Variants in BICC1 observed in about 807,000 individuals in gnomAD.
BICC1 encodes the protein BicC family RNA binding protein 1.
Under a neutral mutation model 111.0 loss-of-function variants are expected in BICC1, and 43 were observed. The ratio of observed to expected loss-of-function variants is 0.39; its 90% CI spans 0.30 to 0.50. The LOEUF (loss-of-function observed/expected upper bound fraction) is 0.50, where lower values mean the gene tolerates loss of function less well. Ranked by LOEUF, BICC1 falls within the 20% of genes least tolerant of loss-of-function variation. The probability of loss-of-function intolerance (pLI) is 0.88; values close to 1 mark genes in which losing one functional copy is unlikely to be tolerated. For synonymous variants in BICC1, 467 were observed against 434.4 expected (o/e 1.07, Z -0.93); for missense variants, 1,091 against 1,203.2 (o/e 0.91, Z 1.38).
intron 3 of BICC1, among the ~76,000 whole-genome samples, chr10:58,742,431 ATTTTT>A (rs554670544): frequency 2.1e-5 from 2 of 94,166 alleles, no homozygotes; most frequent in African/African-American, 9.5e-5. Context: ...GTATGCTTTA[ATTTTT>A]TTTTTTTTTT....
intron 1 of BICC1, among the ~76,000 whole-genome samples, chr10:58,531,296 G>A (rs944103007): frequency 6.6e-6 from 1 of 151,716 alleles, no homozygotes; most frequent in Admixed American, 6.6e-5. Context: ...GACACCAGAG[G>A]GTGCAAGAGA....
chr10:58,591,218 ATTC>A (rs1309884872), intron 1 of BICC1, among the ~76,000 whole-genome samples: 11 of 152,306 alleles, frequency 7.2e-5, no homozygotes, highest in African/African-American at 2.4e-4. Flanking sequence ...CCAGCTTGAT[ATTC>A]TTCTCCACAA....
At chr10:58,797,285 A>G (rs1391378742) in intron 10 of BICC1, among the ~76,000 whole-genome samples, 1 of 152,182 alleles carries the variant, frequency 6.6e-6, no homozygotes, top group African/African-American at 2.4e-5. Context: ...TGGGTCATTC[A>G]GTGTTGATTT....
intron 1 of BICC1, among the ~76,000 whole-genome samples, chr10:58,601,112 C>T (rs1845009385): frequency 8.6e-6 from 1 of 116,930 alleles, no homozygotes; most frequent in South Asian, 2.7e-4. Context: ...TATGTGTGTA[C>T]ATACTTTTTA....
intron 2 of BICC1, among the ~76,000 whole-genome samples, chr10:58,689,316 G>A (rs2050121706): frequency 6.6e-6 from 1 of 152,150 alleles, no homozygotes; most frequent in Non-Finnish European, 1.5e-5. Flanking sequence ...AAGCTTCCAT[G>A]AGACCTCTTC....
chr10:58,619,619 C>T lies in BICC1; in HGVS notation c.191-1236C>T, dbSNP rs193239601. 7.2e-5 allele frequency among the ~76,000 whole-genome samples: 11 copies of T among 151,962 alleles called. No individual in the cohort carries two copies. In the East Asian group the frequency reaches 7.8e-4, roughly 11 times the overall value. On this transcript the variant is annotated intron_variant, in intron 1 of 20. Transcript: ENST00000373886. ...CCTCTCAAATAGCTGGAACTACAGG[C>T]GCACACCACCACACCCAGCTAATTT...
At chr10:58,740,015 T>G (rs981743942) in intron 3 of BICC1, among the ~76,000 whole-genome samples, 1 of 152,200 alleles carries the variant, frequency 6.6e-6, no homozygotes, top group African/African-American at 2.4e-5. Context: ...ATTGTCTGTA[T>G]TTGAGTCCTT....
chr10:58,820,578 T>C (rs1251687229), intron 20 of BICC1, 110 bp downstream of exon 20: 3 of 713,696 alleles, frequency 4.2e-6, no homozygotes, highest in Non-Finnish European at 7.3e-6. Flanking sequence ...ACCTAACACC[T>C]TGGTTGTGGT....
chr10:58,598,155 A>G (rs1844891705), intron 1 of BICC1, among the ~76,000 whole-genome samples: 1 of 151,760 alleles, frequency 6.6e-6, no homozygotes, highest in Non-Finnish European at 1.5e-5. Context: ...GACTTCTCAC[A>G]ACATAAAACT....
At chr10:58,797,601 A>G (rs753778923) in intron 10 of BICC1, among the ~76,000 whole-genome samples, 12 of 152,340 alleles carry the variant, frequency 7.9e-5, no homozygotes, top group East Asian at 3.9e-4. Context: ...AACCTAGTTC[A>G]TCCTGCACTA....
intron 2 of BICC1, among the ~76,000 whole-genome samples, chr10:58,696,798 G>A (rs2132431306): frequency 6.6e-6 from 1 of 152,290 alleles, no homozygotes; most frequent in African/African-American, 2.4e-5. Context: ...GTGTTTTAAT[G>A]TTCATAGACA....
chr10:58,618,481 G>A (rs1845692240), intron 1 of BICC1, among the ~76,000 whole-genome samples: 1 of 152,186 alleles, frequency 6.6e-6, no homozygotes, highest in Non-Finnish European at 1.5e-5. Context: ...GCCTGGGTTG[G>A]CTCGCGCCCA....
Position 58,817,604 on chromosome 10 carries a change from C to T in BICC1, c.2576C>T (p.Ser859Phe). Residue 859 changes from serine to phenylalanine, a missense_variant, in exon 19 of 21, where the codon TCC (serine) becomes TTC (phenylalanine). Ser to Phe is a radical substitution (Grantham distance 155). This residue lies in a region of BICC1 where 231 missense variants were observed against 256.2 expected (regional missense o/e 0.90). Transcript: ENST00000373886. Reference sequence around the variant, plus strand: ...AGTAGCAATTACATGGACTGCATTTCCTCGCTGACAGGAAGCAATGGCTGT... The same window carrying T: ...AGTAGCAATTACATGGACTGCATTTTCTCGCTGACAGGAAGCAATGGCTGT... ...LSSSNYMDCI[S>F]SLTGSNGCNL... is the part of the protein sequence containing the mutation. 6.2e-7 allele frequency: 1 copy of T among 1,613,540 alleles called. No homozygotes were observed. Among genetic ancestry groups the T allele is most frequent in the Non-Finnish European group, 8.5e-7 (1 of 1,179,634 alleles).
At chr10:58,599,101 A>G (rs2132065015) in intron 1 of BICC1, among the ~76,000 whole-genome samples, 1 of 152,310 alleles carries the variant, frequency 6.6e-6, no homozygotes, top group South Asian at 2.1e-4. Context: ...GCAATTCCTC[A>G]AGGATATAGA....
Position 58,521,079 on chromosome 10 carries a change from A to G in BICC1, c.190+7746A>G, listed in dbSNP as rs144230088. Among the ~76,000 whole-genome samples the G allele has an allele frequency of 3.9e-4, 60 of 152,286 alleles. No homozygotes were observed. The East Asian group carries it at 0.011, about 29-fold the overall frequency. On this transcript the variant is annotated intron_variant, in intron 1 of 20. Coordinates refer to ENST00000373886, the MANE Select transcript of BICC1 (RefSeq NM_001080512.3). ...GTTTCATTAAAGGTTCTTGAAGAAC[A>G]TGGTTTCCGGTGTCTGTATAATTCT... is the stretch of plus-strand genomic sequence containing the variant.
chr10:58,669,616 G>A (rs186071065), intron 2 of BICC1, among the ~76,000 whole-genome samples: 5 of 152,154 alleles, frequency 3.3e-5, no homozygotes, highest in South Asian at 4.1e-4. Context: ...GCAAAAATAC[G>A]TTGAGTAACA....
chr10:58,684,276 C>T (rs1839637533), intron 2 of BICC1, among the ~76,000 whole-genome samples: 1 of 152,164 alleles, frequency 6.6e-6, no homozygotes, highest in African/African-American at 2.4e-5. Flanking sequence ...ATTCAGTTTG[C>T]CAGTATTTTA....
At chr10:58,685,816 C>G (rs1489902418) in intron 2 of BICC1, among the ~76,000 whole-genome samples, 1 of 152,112 alleles carries the variant, frequency 6.6e-6, no homozygotes, top group Non-Finnish European at 1.5e-5. Flanking sequence ...TTGACTGTAT[C>G]CAATTTGCCA....
At chr10:58,767,530 G>A (rs1246893237) in intron 3 of BICC1, among the ~76,000 whole-genome samples, 1 of 152,020 alleles carries the variant, frequency 6.6e-6, no homozygotes, top group East Asian at 1.9e-4. Flanking sequence ...CACACACGCA[G>A]AAACCCGACA....
Sources: allele counts gnomAD v4.1 joint callset (sites outside exome capture counted in the v4.1 genomes callset), GRCh38; gene constraint gnomAD v4.1.1; regional missense constraint gnomAD v4.1.1; transcripts MANE v1.5; gene names NCBI Gene and HGNC (gene_info 2026-07-23, HGNC 2026-07-21).